TRPM6: variants seen among roughly 807,000 people sequenced by gnomAD.
TRPM6 encodes the protein channel kinase 2.
Under a neutral mutation model 247.6 loss-of-function variants are expected in TRPM6, and 111 were observed. That is an observed-to-expected ratio of 0.45 (90% CI 0.38 to 0.52). TRPM6 has a LOEUF of 0.52. TRPM6 is among the 20% of genes least tolerant of loss of function. TRPM6 has a pLI of 0.00. For missense variants in TRPM6, 2,126 were observed against 2,421.5 expected (o/e 0.88, Z 2.56); for synonymous variants, 892 against 853.8 (o/e 1.04, Z -0.78).
chr9:74,829,952 C>T (rs2061716986), intron 6 of TRPM6, among the ~76,000 whole-genome samples: 1 of 151,862 alleles, frequency 6.6e-6, no homozygotes, highest in Admixed American at 6.6e-5. Context: ...CAGCAAGGCC[C>T]CATCTCTAAA....
intron 3 of TRPM6, among the ~76,000 whole-genome samples, chr9:74,847,201 A>AACAC (rs555098052): frequency 1.3e-5 from 2 of 152,048 alleles, no homozygotes; most frequent in South Asian, 4.2e-4. Flanking sequence ...ACTTTTTAAA[A>AACAC]TTTTCACTGT....
At chr9:74,771,553 GATTACATGAAT>G in intron 25 of TRPM6, 139 bp downstream of exon 25, 1 of 730,396 alleles carries the variant, frequency 1.4e-6, no homozygotes, top group East Asian at 2.8e-5. Flanking sequence ...AATATACTTT[GATTACATGAAT>G]ATTATATGTT....
chr9:74,810,760 A>T, intron 13 of TRPM6, 55 bp downstream of exon 13: 1 of 1,530,086 alleles, frequency 6.5e-7, no homozygotes, highest in Non-Finnish European at 9.1e-7. Flanking sequence ...GACTCCTCCA[A>T]CACAAAGCTA....
intron 4 of TRPM6, 39 bp downstream of exon 4, chr9:74,842,127 A>AT (rs1491322402): frequency 6.2e-7 from 1 of 1,601,996 alleles, no homozygotes; most frequent in Non-Finnish European, 8.5e-7. Context: ...AAAAAAAAAA[A>AT]GAAAGAAACC....
chr9:74,764,020 G>A (rs1826743213), intron 25 of TRPM6, among the ~76,000 whole-genome samples: 1 of 151,730 alleles, frequency 6.6e-6, no homozygotes, highest in Non-Finnish European at 1.5e-5. Flanking sequence ...CATGGTGGCA[G>A]GCACCTGTAA....
intron 16 of TRPM6, 131 bp downstream of exon 16, chr9:74,801,767 A>C (rs1828347189): frequency 9.6e-6 from 11 of 1,145,132 alleles, no homozygotes; most frequent in Middle Eastern, 2.7e-4. Context: ...AGACCCTTTT[A>C]ACAGGAGAGT....
In TRPM6 at chr9:74,836,932, T is replaced by C. The variant is rs571808159; in HGVS notation, c.545-2810A>G. Among the ~76,000 whole-genome samples, 317 of 152,340 alleles carry C rather than the reference T, an allele frequency of 2.1e-3. 1 individual carries two copies. The highest frequency in any genetic ancestry group is 7.2e-3 in the African/African-American group (299 of 41,578). On this transcript the variant is annotated intron_variant, in intron 5 of 38. Coordinates refer to ENST00000360774, the MANE Select transcript of TRPM6 (RefSeq NM_017662.5). ...CCCAAGACTTCCAAGGTGCCCTCAG[T>C]TGAAACTAGAATTCATGTCCGTCTT...
intron 3 of TRPM6, among the ~76,000 whole-genome samples, chr9:74,848,973 T>G (rs1394385115): frequency 2.0e-5 from 3 of 152,182 alleles, no homozygotes; most frequent in Non-Finnish European, 2.9e-5. Flanking sequence ...GGCTAGCTGT[T>G]ATGGACTGAA....
chr9:74,768,382 G>A (rs552543073), intron 25 of TRPM6, among the ~76,000 whole-genome samples: 24 of 152,306 alleles, frequency 1.6e-4, no homozygotes, highest in African/African-American at 5.5e-4. Context: ...ACAGTTGACT[G>A]TCCCAATAAG....
intron 17 of TRPM6, among the ~76,000 whole-genome samples, chr9:74,799,729 G>T (rs1317299415): frequency 6.6e-6 from 1 of 152,144 alleles, no homozygotes; most frequent in Non-Finnish European, 1.5e-5. Flanking sequence ...TTGCATGTTT[G>T]TCTATGCTTT....
At chr9:74,806,667 T>C (rs1431355194) in intron 14 of TRPM6, among the ~76,000 whole-genome samples, 1 of 152,174 alleles carries the variant, frequency 6.6e-6, no homozygotes, top group Non-Finnish European at 1.5e-5. Flanking sequence ...TTCTGACAAA[T>C]TTATAAAAGG....
intron 1 of TRPM6, among the ~76,000 whole-genome samples, chr9:74,866,535 G>A (rs1830850216): frequency 6.6e-6 from 1 of 152,126 alleles, no homozygotes; most frequent in South Asian, 2.1e-4. Context: ...AGGCTAGAGT[G>A]CAATGGCGTG....
chr9:74,811,496 G>A (rs1828728143), intron 12 of TRPM6, among the ~76,000 whole-genome samples: 1 of 152,238 alleles, frequency 6.6e-6, no homozygotes, highest in East Asian at 1.9e-4. Flanking sequence ...TGTTTTCACA[G>A]TGTGTAAGTC....
chr9:74,797,042 C>T (rs1232840505), intron 17 of TRPM6, 149 bp from the exon 18 acceptor site: 10 of 735,672 alleles, frequency 1.4e-5, no homozygotes, highest in Middle Eastern at 3.8e-4. Flanking sequence ...TTTTTTGACT[C>T]GGCAACTTCA....
At chr9:74,727,381 C>CAAAAA (rs763828073) in intron 38 of TRPM6, among the ~76,000 whole-genome samples, 5 of 52,202 alleles carry the variant, frequency 9.6e-5, no homozygotes, top group Non-Finnish European at 2.0e-4. Flanking sequence ...GACTCCGTCT[C>CAAAAA]AAAAAAAAAA....
At chr9:74,772,595 C>A (rs552469366) in intron 24 of TRPM6, among the ~76,000 whole-genome samples, 10 of 152,346 alleles carry the variant, frequency 6.6e-5, no homozygotes, top group African/African-American at 2.4e-4. Context: ...GTAGTCACAG[C>A]TACTCAGGAG....
Position 74,829,553 on chromosome 9 carries a change from T to C in TRPM6, c.670-1604A>G, listed in dbSNP as rs752763231. On this transcript the variant is annotated intron_variant, in intron 6 of 38. Coordinates refer to ENST00000360774, the MANE Select transcript of TRPM6 (RefSeq NM_017662.5). ...TATTTTCCTCAGGTATAAGTAAGGA[T>C]GATGATACTGATAATTTTTATTCAG... 4.2e-4 allele frequency among the ~76,000 whole-genome samples: 64 copies of C among 152,268 alleles called. 1 individual carries two copies. Among genetic ancestry groups the C allele is most frequent in the Non-Finnish European group, 6.9e-4 (47 of 68,026 alleles).
At chr9:74,862,369 T>TG (rs1314694022) in intron 1 of TRPM6, among the ~76,000 whole-genome samples, 1 of 152,184 alleles carries the variant, frequency 6.6e-6, no homozygotes, top group Non-Finnish European at 1.5e-5. Context: ...TTGACATTTC[T>TG]GCAGCTATCA....
intron 24 of TRPM6, 41 bp from the exon 25 acceptor site, chr9:74,771,876 A>G: frequency 6.3e-7 from 1 of 1,598,672 alleles, no homozygotes; most frequent in South Asian, 1.1e-5. Flanking sequence ...ATCATTATTC[A>G]CCTCAGGGCA....
Sources: allele counts gnomAD v4.1 joint callset (sites outside exome capture counted in the v4.1 genomes callset), GRCh38; gene constraint gnomAD v4.1.1; transcripts MANE v1.5; gene names NCBI Gene and HGNC (gene_info 2026-07-23, HGNC 2026-07-21).